Variants in OFD1 observed in about 807,000 individuals in gnomAD.
OFD1 encodes OFD1 centriole and centriolar satellite protein.
A neutral mutation model predicts 81.4 loss-of-function variants in OFD1; 12 were observed. The observed-to-expected ratio is 0.15, with a 90% CI of 0.09 to 0.24. OFD1 has a LOEUF of 0.24. Among genes scored for constraint, OFD1 ranks in the 10% least tolerant of loss-of-function variants. The probability of loss-of-function intolerance (pLI) is 1.00; values close to 1 mark genes in which losing one functional copy is unlikely to be tolerated. For synonymous variants in OFD1, 256 were observed against 263.7 expected (o/e 0.97, Z 0.28); for missense variants, 685 against 733.9 (o/e 0.93, Z 0.77).
At chrX:13,759,156 A>G (rs1479254277) in intron 15 of OFD1, among the ~76,000 whole-genome samples, 1 of 112,173 alleles carries the variant, frequency 8.9e-6, no homozygotes, top group African/African-American at 3.2e-5. Flanking sequence ...TCAAGTTCAA[A>G]GAAAGTACGT....
In OFD1 at chrX:13,736,448, TTTTTTATTTTTG is replaced by T; in HGVS notation, c.112-19_112-8del. 4 of 1,194,389 alleles carry T rather than the reference TTTTTTATTTTTG, an allele frequency of 3.3e-6. No homozygotes were observed. The East Asian group carries it at 8.9e-5, about 27-fold the overall frequency. The stretch of plus-strand genomic sequence containing the variant: ...CTGAAATTTCTTTCCCTTGTGTTTC[TTTTTTATTTTTG>T]TTTTTATTTTATGCTAGACACAACT... On this transcript the variant is annotated intron_variant, in intron 2 of 22. Transcript: ENST00000340096.
chrX:13,715,136 T>C, the OFD1 span, among the ~76,000 whole-genome samples: 6 of 112,871 alleles, frequency 5.3e-5, no homozygotes, highest in Middle Eastern at 4.6e-3. Flanking sequence ...ACTGTGCTGA[T>C]ATGCAAGAAA....
At chrX:13,772,873 G>A, downstream of OFD1, 2 of 1,208,041 alleles carry the variant, frequency 1.7e-6, no homozygotes, top group Non-Finnish European at 2.2e-6. Flanking sequence ...AAACACTCTG[G>A]CAAACATTTA....
chrX:13,730,378 C>T (rs1056911477), upstream of OFD1, among the ~76,000 whole-genome samples: 9 of 112,018 alleles, frequency 8.0e-5, no homozygotes, highest in African/African-American at 2.3e-4. Context: ...TACCATCTCA[C>T]GCCAGTTAGA....
At chrX:13,728,304 G>A in the OFD1 span, among the ~76,000 whole-genome samples, 3 of 111,611 alleles carry the variant, frequency 2.7e-5, no homozygotes, top group Non-Finnish European at 5.6e-5. Flanking sequence ...TAAAAAAAGA[G>A]AATTTTAGAC....
chrX:13,767,592 G>A (rs2048181386), intron 20 of OFD1, among the ~76,000 whole-genome samples: 1 of 112,325 alleles, frequency 8.9e-6, no homozygotes, highest in Admixed American at 9.4e-5. Context: ...TTGAAAACAG[G>A]GTTTAAAGAA....
intron 8 of OFD1, among the ~76,000 whole-genome samples, chrX:13,747,607 A>G (rs929111580): frequency 2.7e-5 from 3 of 111,437 alleles, no homozygotes; most frequent in Non-Finnish European, 3.8e-5. Flanking sequence ...ACCTAGGGGG[A>G]AAGGAAGGGT....
At chrX:13,763,691 T>C in intron 18 of OFD1, 54 bp from the exon 19 acceptor site, 1 of 1,013,955 alleles carries the variant, frequency 9.9e-7, no homozygotes, top group East Asian at 3.0e-5. Flanking sequence ...GCACTGCCCT[T>C]CTTTGTCTTG....
chrX:13,753,159 C>A, intron 10 of OFD1: 1 of 1,039,530 alleles, frequency 9.6e-7, no homozygotes, highest in Non-Finnish European at 1.2e-6. Context: ...AGTTTTGGGA[C>A]CCAGTTTATA....
At position 13,746,940 on chromosome X, in the gene OFD1, A is replaced by G. The variant is rs781277679; in HGVS notation, c.815A>G (p.His272Arg). 4 of 1,210,612 alleles carry G rather than the reference A, an allele frequency of 3.3e-6. No individual in the cohort carries two copies. Among genetic ancestry groups the G allele is most frequent in the Non-Finnish European group, 1.1e-6 (1 of 894,351 alleles). The change falls in exon 8 of 23, where the codon CAC (histidine) becomes CGC (arginine). Residue 272 changes from histidine (H) to arginine (R), a missense_variant. This residue lies in a region of OFD1 where 414 missense variants were observed against 447.2 expected (regional missense o/e 0.93). Coordinates refer to ENST00000340096, the MANE Select transcript of OFD1 (RefSeq NM_003611.3). ...LREKSTLERI[H>R]KHQEIETKEI... ...GAAAAGAGTACCCTTGAAAGAATTC[A>G]CAAGCACCAAGAGGTGGTATTTACA...
At chrX:13,715,106 G>A in the OFD1 span, among the ~76,000 whole-genome samples, 2 of 112,622 alleles carry the variant, frequency 1.8e-5, no homozygotes, top group Admixed American at 1.9e-4. Context: ...CTCTGACTAG[G>A]AATACTGTTA....
upstream of OFD1, among the ~76,000 whole-genome samples, chrX:13,732,088 T>C (rs1475022143): frequency 3.6e-5 from 4 of 112,008 alleles, no homozygotes; most frequent in Non-Finnish European, 5.6e-5. Flanking sequence ...AAAAGTCTGA[T>C]AGGTTTGTCA....
At chrX:13,740,324 C>A in intron 5 of OFD1, 1 of 388,780 alleles carries the variant, frequency 2.6e-6, no homozygotes, top group Non-Finnish European at 4.3e-6. Context: ...CCTCATGTGG[C>A]TTTTGAGCCT....
rs1243353335 is a variant in OFD1, at chrX:13,734,830, C to G, written c.-242C>G. The G allele has an allele frequency of 1.9e-6, 2 of 1,079,366 alleles. No individual in the cohort carries two copies. The highest frequency in any genetic ancestry group is 1.9e-5 in the African/African-American group (1 of 53,132). 89.0% of individuals were successfully genotyped at this position (1,079,366 alleles called of 1,213,427 possible). ...CCCTCCAGCCGCCTTTGAGTCGTGC[C>G]TGGGTCCTCGCCCTTGCCTCAGAAC... is the stretch of plus-strand genomic sequence containing the variant. On this transcript the variant is annotated 5_prime_UTR_variant, in exon 1 of 23. Transcript: ENST00000340096.
At chrX:13,755,678 C>T (rs1195937172) in intron 12 of OFD1, among the ~76,000 whole-genome samples, 1 of 112,311 alleles carries the variant, frequency 8.9e-6, no homozygotes, top group Non-Finnish European at 1.9e-5. Flanking sequence ...AAATTCCTGT[C>T]ATTACATTGT....
chrX:13,715,958 C>A, the OFD1 span: 1 of 1,140,520 alleles, frequency 8.8e-7, no homozygotes, highest in South Asian at 2.0e-5. Flanking sequence ...TGACAAAGGT[C>A]GAATCCTTTC....
chrX:13,746,885 C>G lies in OFD1; in HGVS notation c.760C>G (p.Gln254Glu). The G allele has an allele frequency of 5.0e-6, 6 of 1,210,307 alleles. No homozygotes were observed. The highest frequency in any genetic ancestry group is 6.7e-6 in the Non-Finnish European group (6 of 894,406). The change falls in exon 8 of 23, where the codon CAA becomes GAA. Residue 254 changes from glutamine (Q) to glutamate (E), a missense_variant. This residue lies in a region of OFD1 where 414 missense variants were observed against 447.2 expected (regional missense o/e 0.93). Transcript: ENST00000340096. ...CCAGAATGATTTTGAAAAAGCTTGT[C>G]AAGCAAAATCTGAAGCTCTCGTTCT... is the stretch of plus-strand genomic sequence containing the variant. ...MFQNDFEKAC[Q>E]AKSEALVLRE...
rs2048162248 is a variant in OFD1, at chrX:13,767,195, C to CGAAGGCAGAGAGAAGAAA, written c.2679_2696dup (p.Arg893_Gln898dup). 1 of 1,207,643 alleles carries CGAAGGCAGAGAGAAGAAA rather than the reference C, an allele frequency of 8.3e-7. No homozygotes were observed. Among genetic ancestry groups the CGAAGGCAGAGAGAAGAAA allele is most frequent in the Non-Finnish European group, 1.1e-6 (1 of 893,215 alleles). On this transcript the variant is annotated inframe_insertion, in exon 20 of 23. Transcript: ENST00000340096. The stretch of plus-strand genomic sequence containing the variant: ...AATACGGGAACAGCAAGTGAAAGAA[C>CGAAGGCAGAGAGAAGAAA]GAAGGCAGAGAGAAGAAAGAAGGCA...
Position 13,761,197 on chromosome X carries a change from G to A in OFD1, c.2373G>A (p.Pro791=), listed in dbSNP as rs369277849. 1.1e-5 allele frequency: 13 copies of A among 1,208,499 alleles called. No homozygotes were observed. Among genetic ancestry groups the A allele is most frequent in the South Asian group, 1.8e-5 (1 of 56,773 alleles). ...CCATCCCTCCTGTCTCCAGCCCTCCGGAGCAGAAAGTGGGGTAAGTATAAC... is the reference window on the plus strand; with the variant it reads ...CCATCCCTCCTGTCTCCAGCCCTCCAGAGCAGAAAGTGGGGTAAGTATAAC... ...SLSIPPVSSP[P]EQKVGLYRRQ... Residue 791 remains proline, a synonymous_variant, in exon 17 of 23, where the codon CCG becomes CCA. Transcript: ENST00000340096.
Sources: allele counts gnomAD v4.1 joint callset (sites outside exome capture counted in the v4.1 genomes callset), GRCh38; gene constraint gnomAD v4.1.1; regional missense constraint gnomAD v4.1.1; transcripts MANE v1.5; gene names NCBI Gene and HGNC (gene_info 2026-07-23, HGNC 2026-07-21).